The following TMEM223 variants were observed in gnomAD, a reference collection of about 807,000 sequenced individuals.
The protein encoded by TMEM223 is transmembrane protein 223.
In TMEM223, 14 loss-of-function variants were observed where a neutral mutation model predicts 14.1. That is an observed-to-expected ratio of 0.99 (90% CI 0.66 to 1.55). The LOEUF is 1.55. TMEM223 is among the 40% of genes most tolerant of loss of function. The probability of loss-of-function intolerance (pLI) is 0.00; values close to 1 mark genes in which losing one functional copy is unlikely to be tolerated. For missense variants in TMEM223, 346 were observed against 269.9 expected (o/e 1.28, Z -1.97); for synonymous variants, 145 against 120.5 (o/e 1.20, Z -1.33).
exon 3 of TMEM223, chr11:62,772,084 T>G (rs1158156798): frequency 6.6e-6 from 3 of 456,252 alleles, no homozygotes; most frequent in South Asian, 4.6e-5. Context: ...TACTTCATGA[T>G]CTTGGAGAAG....
intron 1 of TMEM223, among the ~76,000 whole-genome samples, chr11:62,774,925 C>T (rs1243230178): frequency 1.3e-5 from 2 of 149,576 alleles, no homozygotes; most frequent in African/African-American, 4.9e-5. Flanking sequence ...GCCATCCGGG[C>T]GTGGTGGCAG....
At position 62,781,929 on chromosome 11, in the gene TMEM223, T is replaced by G. The variant is rs575563368; in HGVS notation, c.315-7264A>C. 4 of 1,614,136 alleles carry G rather than the reference T, an allele frequency of 2.5e-6. No individual in the cohort carries two copies. In the South Asian group the frequency reaches 4.4e-5, roughly 18 times the overall value. On this transcript the variant is annotated intron_variant, in intron 1 of 2. Transcript: ENST00000528367. ...AGGACTTGCAGACGAACTCCAAGAT[T>G]GGGGCACTCCTGCCTTACTTTGTTT...
chr11:62,777,235 G>A (rs962364727), intron 1 of TMEM223, among the ~76,000 whole-genome samples: 2 of 152,114 alleles, frequency 1.3e-5, no homozygotes, highest in African/African-American at 4.8e-5. Flanking sequence ...GCTGAGGCAG[G>A]AGAATCGCTT....
chr11:62,789,615 A>G (rs1452745310), downstream of TMEM223: 1 of 1,546,964 alleles, frequency 6.5e-7, no homozygotes, highest in Non-Finnish European at 8.7e-7. Context: ...TCTGAAGCCC[A>G]GAAAATTCCA....
intron 2 of TMEM223, chr11:62,772,140 A>G (rs902975536): frequency 2.2e-6 from 1 of 456,162 alleles, no homozygotes; most frequent in African/African-American, 2.0e-5. Flanking sequence ...TGCCTGTGAA[A>G]TAGACGAAAT....
chr11:62,779,202 G>A (rs1373168093), intron 1 of TMEM223, among the ~76,000 whole-genome samples: 1 of 151,256 alleles, frequency 6.6e-6, no homozygotes. Context: ...GTTTTGTTTT[G>A]TTTTGTTTTT....
chr11:62,786,162 T>C, downstream of TMEM223: 1 of 1,468,502 alleles, frequency 6.8e-7, no homozygotes, highest in East Asian at 2.3e-5. Context: ...GAGCCCTGTC[T>C]AGGATCAGAG....
rs1013145236 is a variant in TMEM223 at position 62,778,781 on chromosome 11, G to C, written c.315-4116C>G. The C allele has an allele frequency of 1.1e-4, 117 of 1,087,750 alleles. No individual in the cohort carries two copies. The African/African-American group carries it at 1.8e-3, about 16-fold the overall frequency. 67.4% of individuals were successfully genotyped at this position (1,087,750 alleles called of 1,614,324 possible). A position where few individuals can be genotyped will look rare whatever the true frequency, so the allele number is the denominator to read the frequency against. Reference sequence around the variant, plus strand: ...GAAAGGCTTCTTGTGGATGTGTGTGGGGATGGTGGTTGAGGGGGAGGAGGC... The same window carrying C: ...GAAAGGCTTCTTGTGGATGTGTGTGCGGATGGTGGTTGAGGGGGAGGAGGC... On this transcript the variant is annotated intron_variant, in intron 1 of 2. Coordinates refer to the TMEM223 transcript ENST00000528367.
At chr11:62,791,404 C>G (rs2084359285) in intron 1 of TMEM223, among the ~76,000 whole-genome samples, 2 of 152,176 alleles carry the variant, frequency 1.3e-5, no homozygotes, top group Admixed American at 1.3e-4. Context: ...ACTACAGGCG[C>G]TTGCTACCAC....
At chr11:62,786,546 G>T, downstream of TMEM223, 5 of 1,553,410 alleles carry the variant, frequency 3.2e-6, no homozygotes, top group South Asian at 1.2e-5. Flanking sequence ...TGAAGATGAA[G>T]GCCCAGGCAG....
downstream of TMEM223, chr11:62,787,287 G>C (rs747071583): frequency 3.4e-5 from 53 of 1,543,620 alleles, no homozygotes; most frequent in Non-Finnish European, 4.1e-5. Context: ...CGCTGTACTT[G>C]CCGCTCTGAG....
downstream of TMEM223, among the ~76,000 whole-genome samples, chr11:62,788,369 C>T (rs1337611368): frequency 6.6e-6 from 1 of 151,572 alleles, no homozygotes; most frequent in Non-Finnish European, 1.5e-5. Context: ...TGCCATTGCA[C>T]TCCAGCCTGG....
downstream of TMEM223, chr11:62,789,300 T>C (rs1336159239): frequency 6.2e-7 from 1 of 1,614,092 alleles, no homozygotes; most frequent in South Asian, 1.1e-5. Flanking sequence ...AGAGGTGCTA[T>C]AGGGCTGCGC....
chr11:62,773,471 G>T (rs1385737562), intron 2 of TMEM223, among the ~76,000 whole-genome samples: 2 of 148,724 alleles, frequency 1.3e-5, no homozygotes, highest in Admixed American at 1.3e-4. Flanking sequence ...TTTTGAGACG[G>T]AGTTTTCCCC....
downstream of TMEM223, chr11:62,787,228 A>T: frequency 6.3e-7 from 1 of 1,580,364 alleles, no homozygotes; most frequent in Non-Finnish European, 8.5e-7. Context: ...ACTGCCCATG[A>T]TCGGCCGTAC....
chr11:62,790,037 C>A lies in TMEM223; in HGVS notation c.*586G>T. 1 of 1,610,688 alleles carries A rather than the reference C, an allele frequency of 6.2e-7. No individual in the cohort carries two copies. The highest frequency in any genetic ancestry group is 8.5e-7 in the Non-Finnish European group (1 of 1,178,316). On this transcript the variant is annotated 3_prime_UTR_variant, in exon 2 of 2. Transcript: ENST00000307366. ...GATGCTCTCGTTGGGTCACGCCTTT[C>A]CCATTCCTGAAGAATAAGCGGAGTG...
Position 62,790,136 on chromosome 11 carries a change from C to G in TMEM223, c.*487G>C, listed in dbSNP as rs1163822263. The G allele has an allele frequency of 2.3e-6, 2 of 860,274 alleles. No individual in the cohort carries two copies. The highest frequency in any genetic ancestry group is 1.7e-5 in the African/African-American group (1 of 57,374). 53.3% of individuals were successfully genotyped at this position (860,274 alleles called of 1,614,324 possible). ...TCAAGGCCCTGTTTATGTTGGGAGT[C>G]TTAGTTTTCCTTTCGTTGGGGGGTG... On this transcript the variant is annotated 3_prime_UTR_variant, in exon 2 of 2. Coordinates refer to ENST00000307366, the MANE Select transcript of TMEM223 (RefSeq NM_001080501.3).
Position 62,790,000 on chromosome 11 carries a change from A to G in TMEM223, c.*623T>C, listed in dbSNP as rs2084339874. ...TCTGGAGAGGGGTGACCCTGAGTGG[A>G]GCTCTGAGACAGATGCTCTCGTTGG... On this transcript the variant is annotated 3_prime_UTR_variant, in exon 2 of 2. Transcript: ENST00000307366. 6.2e-7 allele frequency: 1 copy of G among 1,613,794 alleles called. No individual in the cohort carries two copies. The highest frequency in any genetic ancestry group is 1.7e-5 in the Admixed American group (1 of 59,948).
At chr11:62,787,670 A>C (rs2084303607), downstream of TMEM223, 13 of 1,113,408 alleles carry the variant, frequency 1.2e-5, no homozygotes, top group South Asian at 1.8e-4. Context: ...CCTGTACCTG[A>C]AATGCAGCGA....
Sources: allele counts gnomAD v4.1 joint callset (sites outside exome capture counted in the v4.1 genomes callset), GRCh38; gene constraint gnomAD v4.1.1; transcripts MANE v1.5; gene names NCBI Gene and HGNC (gene_info 2026-07-23, HGNC 2026-07-21).